The following ELP4 variants were observed in gnomAD, a reference collection of about 807,000 sequenced individuals.
ELP4 encodes elongator complex protein 4.
ELP4 carries 51 observed loss-of-function variants against 48.9 expected under a neutral mutation model. That is an observed-to-expected ratio of 1.04 (90% CI 0.83 to 1.32). ELP4 has a LOEUF of 1.32. Among genes scored for constraint, ELP4 ranks in the 40% most tolerant of loss-of-function variants. The probability of loss-of-function intolerance (pLI) is 0.00; values close to 1 mark genes in which losing one functional copy is unlikely to be tolerated. For missense variants in ELP4, 519 were observed against 514.6 expected, an observed-to-expected ratio of 1.01 and a Z score of -0.08; for synonymous variants, 210 against 189.2, an observed-to-expected ratio of 1.11 and a Z score of -0.90.
chr11:31,761,230 C>G (rs932718951), intron 9 of ELP4, among the ~76,000 whole-genome samples: 2 of 151,644 alleles, frequency 1.3e-5, no homozygotes, highest in African/African-American at 2.4e-5. Flanking sequence ...CCCAGCTACT[C>G]AGGAGGCTGA....
At chr11:31,602,535 A>T (rs1957802362) in intron 4 of ELP4, among the ~76,000 whole-genome samples, 1 of 151,996 alleles carries the variant, frequency 6.6e-6, no homozygotes, top group African/African-American at 2.4e-5. Context: ...CGGTCATTTC[A>T]TTTTAAAAAA....
chr11:31,695,421 G>C (rs1296102542), intron 9 of ELP4, among the ~76,000 whole-genome samples: 1 of 151,992 alleles, frequency 6.6e-6, no homozygotes, highest in Non-Finnish European at 1.5e-5. Context: ...ATAATTATGT[G>C]GTTTTTGTCT....
intron 9 of ELP4, among the ~76,000 whole-genome samples, chr11:31,752,286 A>G (rs200009510): frequency 6.6e-6 from 1 of 152,006 alleles, no homozygotes; most frequent in African/African-American, 2.4e-5. Context: ...ATTTTAAAAA[A>G]CAAATTTCCT....
intron 3 of ELP4, among the ~76,000 whole-genome samples, chr11:31,544,521 C>G (rs1210982406): frequency 2.6e-5 from 4 of 152,228 alleles, no homozygotes; most frequent in Admixed American, 2.6e-4. Context: ...GTGGAGACCA[C>G]CACAGCTCAA....
At chr11:31,562,968 G>A (rs932356124) in intron 3 of ELP4, among the ~76,000 whole-genome samples, 10 of 151,912 alleles carry the variant, frequency 6.6e-5, no homozygotes, top group Admixed American at 3.3e-4. Flanking sequence ...TAGTACTTTT[G>A]TATTAAAATT....
intron 5 of ELP4, among the ~76,000 whole-genome samples, chr11:31,624,802 T>G (rs1467829113): frequency 6.6e-6 from 1 of 151,792 alleles, no homozygotes. Context: ...TTTTTTACTT[T>G]TAAAATTTTT....
At chr11:31,591,432 G>T (rs1190168575) in intron 3 of ELP4, among the ~76,000 whole-genome samples, 5 of 129,854 alleles carry the variant, frequency 3.9e-5, no homozygotes, top group East Asian at 4.8e-4. Context: ...AGGGGGGGGG[G>T]GGGTATAAAA....
intron 9 of ELP4, chr11:31,662,786 C>G (rs1367844717): frequency 2.6e-6 from 1 of 381,768 alleles, no homozygotes; most frequent in African/African-American, 2.1e-5. Flanking sequence ...GACAAAATAC[C>G]TAGATTTTTC....
chr11:31,718,380 A>G (rs976042740), intron 9 of ELP4, among the ~76,000 whole-genome samples: 1 of 152,210 alleles, frequency 6.6e-6, no homozygotes, highest in African/African-American at 2.4e-5. Context: ...GAGGAGTAAA[A>G]AAGGGCTATT....
rs1260770834 is a variant in ELP4, at chr11:31,592,915, A to G, written c.382-1855A>G. On this transcript the variant is annotated intron_variant, in intron 3 of 9. Transcript: ENST00000640961. ...TAAGAGCATTTCTTAGAATTGGCCT[A>G]TTTTCCACAATAAGAGGACAGTGTG... 2.0e-5 allele frequency among the ~76,000 whole-genome samples: 3 copies of G among 152,126 alleles called. No individual in the cohort carries two copies. In the East Asian group the frequency reaches 5.8e-4, roughly 29 times the overall value.
At chr11:31,658,250 A>G (rs1461628899) in intron 9 of ELP4, among the ~76,000 whole-genome samples, 2 of 151,952 alleles carry the variant, frequency 1.3e-5, no homozygotes, top group African/African-American at 4.8e-5. Flanking sequence ...TGTAACATTC[A>G]TATTAAAAAT....
chr11:31,701,597 A>T (rs1232433301), intron 9 of ELP4, among the ~76,000 whole-genome samples: 2 of 151,712 alleles, frequency 1.3e-5, no homozygotes, highest in Non-Finnish European at 2.9e-5. Flanking sequence ...CCTGGGTTCT[A>T]AAACTGCTTT....
At chr11:31,746,485 A>G (rs1161277896) in intron 9 of ELP4, among the ~76,000 whole-genome samples, 2 of 152,214 alleles carry the variant, frequency 1.3e-5, no homozygotes, top group African/African-American at 2.4e-5. Flanking sequence ...CTTGGAACCA[A>G]CGTAAATGTC....
chr11:31,596,734 A>G (rs1421322730), intron 4 of ELP4, among the ~76,000 whole-genome samples: 1 of 152,226 alleles, frequency 6.6e-6, no homozygotes, highest in Non-Finnish European at 1.5e-5. Flanking sequence ...TGAACAAACT[A>G]CAAATTTAAG....
chr11:31,722,486 G>C (rs991819254), intron 9 of ELP4, among the ~76,000 whole-genome samples: 10 of 152,146 alleles, frequency 6.6e-5, no homozygotes, highest in Admixed American at 3.9e-4. Flanking sequence ...CAGTGAAAAT[G>C]CCTAGTAAAA....
At chr11:31,588,565 G>A (rs980914712) in intron 3 of ELP4, among the ~76,000 whole-genome samples, 11 of 151,968 alleles carry the variant, frequency 7.2e-5, no homozygotes, top group Admixed American at 4.6e-4. Context: ...GTACTTCTCC[G>A]CGTTGTTTGA....
chr11:31,533,365 A>ATTTTTTTTTTT (rs1592089795), intron 2 of ELP4, among the ~76,000 whole-genome samples: 2 of 67,734 alleles, frequency 3.0e-5, no homozygotes, highest in African/African-American at 7.5e-5. Flanking sequence ...AAGCCATCTC[A>ATTTTTTTTTTT]TTCTTTTTTT....
intron 3 of ELP4, among the ~76,000 whole-genome samples, chr11:31,576,580 T>C (rs1957283320): frequency 6.6e-6 from 1 of 152,120 alleles, no homozygotes. Context: ...ACATAAATTA[T>C]AACAAACTGT....
At chr11:31,622,488 A>G (rs931474502) in intron 5 of ELP4, among the ~76,000 whole-genome samples, 5 of 151,484 alleles carry the variant, frequency 3.3e-5, no homozygotes, top group Non-Finnish European at 7.4e-5. Flanking sequence ...ATCTACCTGT[A>G]CTTGATTTCT....
Sources: allele counts gnomAD v4.1 joint callset (sites outside exome capture counted in the v4.1 genomes callset), GRCh38; gene constraint gnomAD v4.1.1; transcripts MANE v1.5; gene names NCBI Gene and HGNC (gene_info 2026-07-23, HGNC 2026-07-21).